Variants in ARRDC3 observed in about 807,000 individuals in gnomAD.
ARRDC3 encodes arrestin domain containing 3.
A neutral mutation model predicts 47.2 loss-of-function variants in ARRDC3; 10 were observed. The ratio of observed to expected loss-of-function variants is 0.21; its 90% CI spans 0.13 to 0.36. The LOEUF (loss-of-function observed/expected upper bound fraction) is 0.36. Among genes scored for constraint, ARRDC3 ranks in the 10% least tolerant of loss-of-function variants. The pLI is 1.00. For synonymous variants in ARRDC3, 156 were observed against 178.3 expected, an observed-to-expected ratio of 0.87 and a Z score of 1.00; for missense variants, 381 against 503.6, an observed-to-expected ratio of 0.76 and a Z score of 2.33.
intron 5 of ARRDC3, 78 bp from the exon 6 acceptor site, chr5:91,374,354 G>T (rs576976301): frequency 1.6e-5 from 21 of 1,316,848 alleles, no homozygotes; most frequent in Admixed American, 4.4e-5. Context: ...CAATTTTAAT[G>T]TTATTTGAAA....
In ARRDC3 at chr5:91,369,067, C is replaced by G. The variant is rs921583105; in HGVS notation, c.*2333G>C. On this transcript the variant is annotated 3_prime_UTR_variant, in exon 8 of 8. Coordinates refer to ENST00000265138, the MANE Select transcript of ARRDC3 (RefSeq NM_020801.4). ...AAAAAGTAATGCCTCTAAAGAAATA[C>G]ATTTTAAAGGGGAAAATAAAACTTT... 2.0e-5 allele frequency: 3 copies of G among 152,412 alleles called. No homozygotes were observed. The Admixed American group carries it at 2.0e-4, about 10-fold the overall frequency. 9.4% of individuals were successfully genotyped at this position (152,412 alleles called of 1,614,324 possible).
At chr5:91,376,246 T>C (rs1439979096) in intron 3 of ARRDC3, among the ~76,000 whole-genome samples, 3 of 152,160 alleles carry the variant, frequency 2.0e-5, no homozygotes, top group African/African-American at 7.2e-5. Context: ...ATAGTACAAA[T>C]TTTAGATTAT....
chr5:91,377,258 T>C (rs778476867), intron 2 of ARRDC3, among the ~76,000 whole-genome samples: 1 of 152,206 alleles, frequency 6.6e-6, no homozygotes, highest in Non-Finnish European at 1.5e-5. Context: ...ATAGTCATTA[T>C]AGTTTCAAAA....
chr5:91,376,883 A>G, intron 2 of ARRDC3, 115 bp from the exon 3 acceptor site: 1 of 1,033,890 alleles, frequency 9.7e-7, no homozygotes, highest in Non-Finnish European at 1.3e-6. Context: ...ATGAGGTATC[A>G]AACATATAAT....
rs1561297056 is a variant in ARRDC3 at position 91,382,847 on chromosome 5, G to A, written c.246C>T (p.Phe82=). ...GCCCAATTAAGATGTCTTTATGGTT[G>A]AAATACTCTACTTCTTCAGTGTAAT... ...TQNYTEEVEY[F]NHKDILIGHE... The change falls in exon 1 of 8, where the codon TTC becomes TTT. Residue 82 remains phenylalanine (F), a synonymous_variant. Transcript: ENST00000265138. 6.2e-7 allele frequency: 1 copy of A among 1,614,050 alleles called. No individual in the cohort carries two copies. Among genetic ancestry groups the A allele is most frequent in the Non-Finnish European group, 8.5e-7 (1 of 1,179,988 alleles).
At chr5:91,373,953 C>A in intron 6 of ARRDC3, 115 bp from the exon 7 acceptor site, 2 of 1,487,276 alleles carry the variant, frequency 1.3e-6, no homozygotes, top group Non-Finnish European at 9.2e-7. Context: ...GTTTGGTGAT[C>A]AAAACTATGA....
intron 7 of ARRDC3, among the ~76,000 whole-genome samples, chr5:91,373,103 T>G (rs1363945999): frequency 6.6e-6 from 1 of 152,200 alleles, no homozygotes; most frequent in East Asian, 1.9e-4. Context: ...ATCACATTAT[T>G]ACATAATATT....
At position 91,375,113 on chromosome 5, in the gene ARRDC3, C is replaced by T. The variant is rs746286312; in HGVS notation, c.679G>A (p.Ala227Thr). The T allele has an allele frequency of 1.9e-6, 3 of 1,613,976 alleles. No individual in the cohort carries two copies. The East Asian group carries it at 6.7e-5, about 36-fold the overall frequency. Residue 227 changes from alanine to threonine, a missense_variant, in exon 5 of 8, where the codon GCC (alanine) becomes ACC (threonine). Transcript: ENST00000265138. Reference protein sequence around the residue: ...CSSRMVVPKAAIYQTQAFYAK... With the variant: ...CSSRMVVPKATIYQTQAFYAK... ...TAGAAGGCCTGTGTTTGGTAAATGG[C>T]TGCCTTTGGCACCACCATTCGGGAA...
At chr5:91,373,528 T>C (rs1799226331) in intron 7 of ARRDC3, among the ~76,000 whole-genome samples, 156 bp downstream of exon 7, 3 of 152,206 alleles carry the variant, frequency 2.0e-5, no homozygotes, top group South Asian at 2.1e-4. Context: ...TTAGTAAATA[T>C]TGATGAACCT....
At chr5:91,379,407 CAGTT>C (rs1055266040) in intron 1 of ARRDC3, among the ~76,000 whole-genome samples, 67 of 151,062 alleles carry the variant, frequency 4.4e-4, no homozygotes, top group Admixed American at 3.0e-3. Flanking sequence ...TCACAACACT[CAGTT>C]GGTCCTAGCA....
intron 1 of ARRDC3, among the ~76,000 whole-genome samples, chr5:91,381,216 G>A (rs550047046): frequency 2.7e-5 from 4 of 149,574 alleles, no homozygotes; most frequent in Non-Finnish European, 5.9e-5. Flanking sequence ...GGGGCATTTT[G>A]TTGGGGGTGC....
chr5:91,372,413 T>C (rs1240082836), intron 7 of ARRDC3, among the ~76,000 whole-genome samples: 4 of 152,196 alleles, frequency 2.6e-5, no homozygotes, highest in Non-Finnish European at 2.9e-5. Flanking sequence ...ACAAATTGCT[T>C]AAAAGTGAAC....
chr5:91,374,100 T>C lies in ARRDC3; in HGVS notation c.1033+14A>G. On this transcript the variant is annotated intron_variant, in intron 6 of 7. Transcript: ENST00000265138. ...TAGTAAGAGATTAAGCTTAGACGTG[T>C]ATTATCAAATTACCTTCAGGTCTTT... The C allele has an allele frequency of 6.2e-7, 1 of 1,609,608 alleles. No individual in the cohort carries two copies. The highest frequency in any genetic ancestry group is 8.5e-7 in the Non-Finnish European group (1 of 1,178,106).
At chr5:91,381,193 T>G (rs1235866194) in intron 1 of ARRDC3, among the ~76,000 whole-genome samples, 1 of 149,102 alleles carries the variant, frequency 6.7e-6, no homozygotes, top group Non-Finnish European at 1.5e-5. Context: ...CGTCTACGCG[T>G]TGCAGGGTTT....
intron 6 of ARRDC3, 118 bp downstream of exon 6, chr5:91,373,996 C>T (rs1799241833): frequency 3.5e-6 from 5 of 1,413,728 alleles, no homozygotes; most frequent in Non-Finnish European, 4.8e-6. Context: ...ATTAGGGGCA[C>T]ATCTACTTTC....
chr5:91,375,412 G>T (rs1438496300), intron 4 of ARRDC3, 99 bp downstream of exon 4: 3 of 908,214 alleles, frequency 3.3e-6, no homozygotes, highest in Non-Finnish European at 5.0e-6. Flanking sequence ...TTTCACAAAA[G>T]AATACTATAT....
intron 7 of ARRDC3, among the ~76,000 whole-genome samples, chr5:91,373,045 T>C (rs1156264684): frequency 2.0e-5 from 3 of 152,216 alleles, no homozygotes; most frequent in Non-Finnish European, 4.4e-5. Flanking sequence ...AAGCCCCACC[T>C]GATGCCCAAG....
At chr5:91,379,340 ATAAC>A (rs1184448344) in intron 1 of ARRDC3, among the ~76,000 whole-genome samples, 2 of 149,320 alleles carry the variant, frequency 1.3e-5, no homozygotes, top group African/African-American at 4.9e-5. Flanking sequence ...TGTCAGATTT[ATAAC>A]TAAAAATAAT....
At chr5:91,380,591 A>T (rs1799430092) in intron 1 of ARRDC3, 1 of 152,188 alleles carries the variant, frequency 6.6e-6, no homozygotes, top group Admixed American at 6.6e-5. Flanking sequence ...AACTCAAGGT[A>T]GACAGTGTGG....
Sources: allele counts gnomAD v4.1 joint callset (sites outside exome capture counted in the v4.1 genomes callset), GRCh38; gene constraint gnomAD v4.1.1; transcripts MANE v1.5; gene names NCBI Gene and HGNC (gene_info 2026-07-23, HGNC 2026-07-21).